The following STIM1 variants were observed in gnomAD, a reference collection of about 807,000 sequenced individuals.
STIM1 encodes stromal interaction molecule 1.
In STIM1, 25 loss-of-function variants were observed where a neutral mutation model predicts 74.7. The observed-to-expected ratio is 0.33, with a 90% confidence interval of 0.24 to 0.47. STIM1 has a LOEUF of 0.47. STIM1 is among the 20% of genes least tolerant of loss of function. The probability of loss-of-function intolerance (pLI) is 1.00; values close to 1 mark genes in which losing one functional copy is unlikely to be tolerated. For synonymous variants in STIM1, 328 were observed against 348.8 expected (o/e 0.94, Z 0.66); for missense variants, 728 against 920.8 (o/e 0.79, Z 2.71).
At chr11:4,044,333 CTG>C (rs1178454905) in intron 3 of STIM1, among the ~76,000 whole-genome samples, 1 of 152,222 alleles carries the variant, frequency 6.6e-6, no homozygotes. Context: ...CCACAGCTCT[CTG>C]TACTTGCTGT....
intron 2 of STIM1, among the ~76,000 whole-genome samples, chr11:3,982,009 T>C (rs2093510155): frequency 6.6e-6 from 1 of 152,116 alleles, no homozygotes; most frequent in East Asian, 1.9e-4. Context: ...TTTCTTTTTG[T>C]TTCTTTTTTC....
chr11:4,065,838 CAAAAG>C (rs1410145389), intron 5 of STIM1, among the ~76,000 whole-genome samples: 2 of 152,070 alleles, frequency 1.3e-5, no homozygotes, highest in South Asian at 2.1e-4. Flanking sequence ...GTGTAAATGA[CAAAAG>C]AAATTCCTAC....
At chr11:3,924,630 T>G (rs1026009211) in intron 1 of STIM1, among the ~76,000 whole-genome samples, 1 of 152,232 alleles carries the variant, frequency 6.6e-6, no homozygotes, top group Non-Finnish European at 1.5e-5. Flanking sequence ...CTTGTAGTAC[T>G]CAACACTTCC....
At chr11:4,080,056 CAAGAAATA>C (rs2094457172) in intron 7 of STIM1, among the ~76,000 whole-genome samples, 1 of 150,396 alleles carries the variant, frequency 6.6e-6, no homozygotes, top group Admixed American at 6.6e-5. Context: ...CTGTCTCTAC[CAAGAAATA>C]AATAAATAAA....
intron 1 of STIM1, among the ~76,000 whole-genome samples, chr11:3,943,231 T>C (rs573607578): frequency 3.3e-5 from 5 of 152,318 alleles, no homozygotes; most frequent in African/African-American, 1.2e-4. Flanking sequence ...GTCAACTTGC[T>C]TCCACAGAAC....
chr11:4,080,981 C>T (rs1434728494), intron 7 of STIM1, among the ~76,000 whole-genome samples: 2 of 151,354 alleles, frequency 1.3e-5, no homozygotes, highest in Non-Finnish European at 2.9e-5. Flanking sequence ...GCTATAAAAC[C>T]AGGAATGGGC....
chr11:3,966,667 G>A (rs1250880467), intron 1 of STIM1, among the ~76,000 whole-genome samples: 1 of 152,184 alleles, frequency 6.6e-6, no homozygotes, highest in African/African-American at 2.4e-5. Context: ...AGAAACTTCA[G>A]TCAAAATACC....
At chr11:4,023,219 C>T (rs1267771980) in intron 2 of STIM1, among the ~76,000 whole-genome samples, 3 of 152,138 alleles carry the variant, frequency 2.0e-5, no homozygotes, top group Non-Finnish European at 4.4e-5. Flanking sequence ...ATCCCAGCTA[C>T]TCAGGAGGCT....
chr11:3,878,077 A>T (rs993991864), intron 1 of STIM1, among the ~76,000 whole-genome samples: 7 of 152,158 alleles, frequency 4.6e-5, no homozygotes, highest in African/African-American at 1.7e-4. Flanking sequence ...GTTTGGGGTT[A>T]AATGGGCCTG....
intron 12 of STIM1, among the ~76,000 whole-genome samples, chr11:4,088,406 G>A (rs2094505142): frequency 6.6e-6 from 1 of 152,178 alleles, no homozygotes; most frequent in South Asian, 2.1e-4. Context: ...CCTCTGGATA[G>A]TTATGCTTGA....
In STIM1 at chr11:4,017,552, C is replaced by G. The variant is rs182231994; in HGVS notation, c.271-6321C>G. On this transcript the variant is annotated intron_variant, in intron 2 of 12. Coordinates refer to ENST00000526596, the MANE Select transcript of STIM1 (RefSeq NM_001382567.1). ...CCTATAAGCAGCTGGTATCTCATGT[C>G]AGATGGTTTCCTGGAGTTATCTGAT... Among the ~76,000 whole-genome samples the G allele has an allele frequency of 1.9e-3, 292 of 152,122 alleles. 4 individuals are homozygous for G. Among genetic ancestry groups the G allele is most frequent in the African/African-American group, 6.8e-3 (281 of 41,418 alleles).
intron 1 of STIM1, among the ~76,000 whole-genome samples, chr11:3,962,707 G>C (rs2093300275): frequency 6.6e-6 from 1 of 152,092 alleles, no homozygotes; most frequent in South Asian, 2.1e-4. Context: ...AACAGTGTAT[G>C]AGTATTTCCT....
At chr11:4,043,958 T>G (rs1418586452) in intron 3 of STIM1, among the ~76,000 whole-genome samples, 1 of 152,008 alleles carries the variant, frequency 6.6e-6, no homozygotes, top group Non-Finnish European at 1.5e-5. Flanking sequence ...GAGGTTGCAG[T>G]GAGCTGAGAT....
At chr11:3,856,899 C>G (rs145659948) in intron 1 of STIM1, among the ~76,000 whole-genome samples, 1 of 152,222 alleles carries the variant, frequency 6.6e-6, no homozygotes, top group Non-Finnish European at 1.5e-5. Context: ...GAACCCTAGT[C>G]CCACCCTTCC....
chr11:3,906,941 A>C (rs751770219), intron 1 of STIM1, among the ~76,000 whole-genome samples: 2 of 152,240 alleles, frequency 1.3e-5, no homozygotes, highest in Non-Finnish European at 2.9e-5. Context: ...GAGAAGATTC[A>C]AACCTAAATC....
intron 1 of STIM1, among the ~76,000 whole-genome samples, chr11:3,933,313 G>GAT (rs2092892808): frequency 6.6e-6 from 1 of 152,180 alleles, no homozygotes; most frequent in Admixed American, 6.5e-5. Context: ...TTGAAACATG[G>GAT]ACTGTGTGCC....
intron 1 of STIM1, among the ~76,000 whole-genome samples, chr11:3,865,921 A>G (rs147210544): frequency 2.6e-5 from 4 of 152,348 alleles, no homozygotes; most frequent in Non-Finnish European, 5.9e-5. Context: ...TGGTCCTGTC[A>G]TGTTTATCAG....
Position 3,912,492 on chromosome 11 carries a change from G to A in STIM1, c.140-55060G>A, listed in dbSNP as rs919316305. Among the ~76,000 whole-genome samples, 23 of 151,630 alleles carry A rather than the reference G, an allele frequency of 1.5e-4. 1 individual carries two copies. The highest frequency in any genetic ancestry group is 5.8e-4 in the East Asian group (3 of 5,138). ...TGATTCTCCTACCTCAGCCTCCCAA[G>A]TAGCTGGGATTACAGGTACCCACCA... On this transcript the variant is annotated intron_variant, in intron 1 of 12. Transcript: ENST00000526596.
intron 1 of STIM1, among the ~76,000 whole-genome samples, chr11:3,934,983 G>A (rs1294674925): frequency 6.6e-6 from 1 of 152,226 alleles, no homozygotes; most frequent in African/African-American, 2.4e-5. Context: ...GTGAGCAAAT[G>A]GAAAAGAACC....
Sources: allele counts gnomAD v4.1 joint callset (sites outside exome capture counted in the v4.1 genomes callset), GRCh38; gene constraint gnomAD v4.1.1; transcripts MANE v1.5; gene names NCBI Gene and HGNC (gene_info 2026-07-23, HGNC 2026-07-21).